Variants in SPON1 observed in about 807,000 individuals in gnomAD.
SPON1 encodes the protein spondin-1.
In SPON1, 52 loss-of-function variants were observed where a neutral mutation model predicts 111.7. The ratio of observed to expected loss-of-function variants is 0.47; its 90% confidence interval spans 0.37 to 0.59. The LOEUF (loss-of-function observed/expected upper bound fraction) is 0.59. SPON1 is among the 20% of genes least tolerant of loss of function. The probability of loss-of-function intolerance (pLI) is 0.00; values close to 1 mark genes in which losing one functional copy is unlikely to be tolerated. For missense variants in SPON1, 957 were observed against 1,068.5 expected, an observed-to-expected ratio of 0.90 and a Z score of 1.46; for synonymous variants, 410 against 395.8, an observed-to-expected ratio of 1.04 and a Z score of -0.43.
In SPON1 at chr11:14,257,706, C is replaced by A; in HGVS notation, c.1310-10C>A. 1 of 1,598,550 alleles carries A rather than the reference C, an allele frequency of 6.3e-7. No individual in the cohort carries two copies. Among genetic ancestry groups the A allele is most frequent in the South Asian group, 1.1e-5 (1 of 89,176 alleles). On this transcript the variant is annotated splice_polypyrimidine_tract_variant and intron_variant, in intron 10 of 15. Transcript: ENST00000576479. ...GTTCCCAGGGAAAACATGTCAAACACTCTTTCCAGATGACACCCCTGAAAC... is the reference window on the plus strand; with the variant it reads ...GTTCCCAGGGAAAACATGTCAAACAATCTTTCCAGATGACACCCCTGAAAC...
At chr11:14,218,866 T>G (rs1296464460) in intron 6 of SPON1, among the ~76,000 whole-genome samples, 2 of 152,244 alleles carry the variant, frequency 1.3e-5, no homozygotes, top group Non-Finnish European at 2.9e-5. Flanking sequence ...ATTAGCTCTG[T>G]CTGTTGACAA....
chr11:14,046,654 C>T (rs900769292), intron 3 of SPON1, among the ~76,000 whole-genome samples: 5 of 152,204 alleles, frequency 3.3e-5, no homozygotes. Flanking sequence ...GATAGCAAGT[C>T]ATTGCTCATT....
chr11:14,214,572 G>A (rs1031709967), intron 6 of SPON1, among the ~76,000 whole-genome samples: 1 of 152,156 alleles, frequency 6.6e-6, no homozygotes, highest in African/African-American at 2.4e-5. Context: ...TGATGAACAT[G>A]TTGGCCTGTC....
At chr11:14,207,902 A>G (rs541288388) in intron 6 of SPON1, among the ~76,000 whole-genome samples, 1 of 152,348 alleles carries the variant, frequency 6.6e-6, no homozygotes, top group East Asian at 1.9e-4. Flanking sequence ...ACACACGTAC[A>G]CGTATGTTCA....
intron 2 of SPON1, among the ~76,000 whole-genome samples, chr11:14,003,997 A>T (rs929746038): frequency 1.3e-5 from 2 of 152,094 alleles, no homozygotes; most frequent in East Asian, 1.9e-4. Flanking sequence ...CTCTTTTTTT[A>T]AAAAAATGTT....
chr11:14,203,071 C>T (rs186922160), intron 6 of SPON1, among the ~76,000 whole-genome samples: 16 of 152,264 alleles, frequency 1.1e-4, no homozygotes, highest in Admixed American at 7.2e-4. Flanking sequence ...CCTGCCAGGG[C>T]GCAAGATGTC....
At chr11:13,964,655 A>C (rs1268039024) in intron 1 of SPON1, among the ~76,000 whole-genome samples, 2 of 152,282 alleles carry the variant, frequency 1.3e-5, no homozygotes, top group East Asian at 3.9e-4. Context: ...TCCACGAAGA[A>C]AGATTCTGGG....
intron 6 of SPON1, among the ~76,000 whole-genome samples, chr11:14,164,395 T>A (rs1554931690): frequency 1.3e-5 from 2 of 152,180 alleles, no homozygotes; most frequent in East Asian, 3.8e-4. Context: ...GCCATAGTTA[T>A]GAAACTAAGT....
At chr11:14,170,551 A>T (rs1848085833) in intron 6 of SPON1, among the ~76,000 whole-genome samples, 1 of 152,056 alleles carries the variant, frequency 6.6e-6, no homozygotes, top group Non-Finnish European at 1.5e-5. Flanking sequence ...GAGTGGTGAG[A>T]TAGGGCATCC....
At chr11:13,987,674 C>T (rs1554910601) in intron 2 of SPON1, among the ~76,000 whole-genome samples, 1 of 152,120 alleles carries the variant, frequency 6.6e-6, no homozygotes, top group African/African-American at 2.4e-5. Context: ...CTAGGATTTT[C>T]ATGGTCCTAG....
chr11:14,144,081 A>G (rs1554929058), intron 6 of SPON1, among the ~76,000 whole-genome samples: 4 of 152,178 alleles, frequency 2.6e-5, no homozygotes, highest in Non-Finnish European at 5.9e-5. Flanking sequence ...AACAATAACA[A>G]GAATATGAAT....
At chr11:14,153,432 G>C (rs1178047867) in intron 6 of SPON1, among the ~76,000 whole-genome samples, 1 of 152,144 alleles carries the variant, frequency 6.6e-6, no homozygotes, top group African/African-American at 2.4e-5. Context: ...TATAAGGCTG[G>C]AGCAGGAGGA....
At chr11:14,161,241 A>G (rs1405715034) in intron 6 of SPON1, among the ~76,000 whole-genome samples, 1 of 61,186 alleles carries the variant, frequency 1.6e-5, no homozygotes, top group South Asian at 5.2e-4. Flanking sequence ...ATATATTTAT[A>G]TATCTATATA....
Position 14,163,762 on chromosome 11 carries a change from G to A in SPON1, c.825+28194G>A, listed in dbSNP as rs373577125. Among the ~76,000 whole-genome samples the A allele has an allele frequency of 3.9e-5, 6 of 152,236 alleles. No individual in the cohort carries two copies. In the East Asian group the frequency reaches 5.8e-4, roughly 15 times the overall value. On this transcript the variant is annotated intron_variant, in intron 6 of 15. Coordinates refer to ENST00000576479, the MANE Select transcript of SPON1 (RefSeq NM_006108.4). Reference sequence around the variant, plus strand: ...TCCTGAGCTACCATTCTTCATGCCCGTGCTGTGGTGGGAACCAAATGCTCC... The same window carrying A: ...TCCTGAGCTACCATTCTTCATGCCCATGCTGTGGTGGGAACCAAATGCTCC...
intron 2 of SPON1, among the ~76,000 whole-genome samples, chr11:13,994,440 C>CCA (rs3993090): frequency 0.075 from 11,350 of 151,404 alleles, 525 homozygotes; most frequent in Middle Eastern, 0.14. Flanking sequence ...TCCCCCATCC[C>CCA]CACACACACA....
intron 3 of SPON1, among the ~76,000 whole-genome samples, chr11:14,047,798 G>A (rs1387075451): frequency 1.3e-5 from 2 of 152,200 alleles, no homozygotes; most frequent in African/African-American, 4.8e-5. Context: ...AGATTAAAAA[G>A]CCTTTGGGGA....
At chr11:14,173,164 C>A (rs1471870595) in intron 6 of SPON1, among the ~76,000 whole-genome samples, 1 of 151,906 alleles carries the variant, frequency 6.6e-6, no homozygotes, top group East Asian at 1.9e-4. Flanking sequence ...TCACACAGTC[C>A]CATATTTCTT....
chr11:14,222,273 C>T (rs1169374528), intron 6 of SPON1, among the ~76,000 whole-genome samples: 1 of 152,214 alleles, frequency 6.6e-6, no homozygotes, highest in Non-Finnish European at 1.5e-5. Flanking sequence ...CAGGTTTCAT[C>T]AAGTTGTGAC....
intron 6 of SPON1, among the ~76,000 whole-genome samples, chr11:14,229,006 G>T (rs1560472): frequency 0.53 from 81,203 of 151,864 alleles, 22,008 homozygotes; most frequent in East Asian, 0.63. Context: ...CCAAGAAAGA[G>T]GAAGGTTAGG....
Sources: allele counts gnomAD v4.1 joint callset (sites outside exome capture counted in the v4.1 genomes callset), GRCh38; gene constraint gnomAD v4.1.1; transcripts MANE v1.5; gene names NCBI Gene and HGNC (gene_info 2026-07-23, HGNC 2026-07-21).